Variants in SUSD4 observed in about 807,000 individuals in gnomAD.
SUSD4 encodes sushi domain-containing protein 4.
SUSD4 carries 41 observed loss-of-function variants against 50.5 expected under a neutral mutation model. The observed-to-expected ratio is 0.81, with a 90% CI of 0.63 to 1.05. The LOEUF (loss-of-function observed/expected upper bound fraction) is 1.05. Among genes scored for constraint, SUSD4 ranks in the 50% least tolerant of loss-of-function variants. The pLI is 0.00. For synonymous variants in SUSD4, 257 were observed against 257.3 expected, an observed-to-expected ratio of 1.00 and a Z score of 0.01; for missense variants, 580 against 634.7, an observed-to-expected ratio of 0.91 and a Z score of 0.93.
intron 5 of SUSD4, among the ~76,000 whole-genome samples, chr1:223,233,956 C>T (rs892919012): frequency 1.3e-5 from 2 of 152,198 alleles, no homozygotes; most frequent in African/African-American, 2.4e-5. Flanking sequence ...CAGCCAGAAA[C>T]GGATGATTCC....
chr1:223,323,501 T>C (rs1666706298), intron 2 of SUSD4, among the ~76,000 whole-genome samples: 1 of 151,694 alleles, frequency 6.6e-6, no homozygotes, highest in Non-Finnish European at 1.5e-5. Flanking sequence ...ATGAGAGACA[T>C]GTAATAGAGC....
At chr1:223,296,092 C>G (rs17161994) in intron 2 of SUSD4, among the ~76,000 whole-genome samples, 67,866 of 151,858 alleles carry the variant, frequency 0.45, 15,960 homozygotes, top group African/African-American at 0.6. Context: ...CTTGGACAGC[C>G]AGTCTAGCAC....
rs759325189 is a variant in SUSD4, at chr1:223,268,576, C to T, written c.461G>A (p.Arg154Gln). 87 of 1,610,934 alleles carry T rather than the reference C, an allele frequency of 5.4e-5. 1 individual carries two copies. The South Asian group carries it at 8.2e-4, about 15-fold the overall frequency. ...AACCATATTGTGTAGGTCGGGGTAC[C>T]GGATCTTGAATCCTTCATGACAAGT... ...IITCHEGFKI[R>Q]YPDLHNMVSL... Residue 154 changes from arginine to glutamine, a missense_variant, in exon 4 of 9, where the codon CGG becomes CAG. Transcript: ENST00000366878.
In SUSD4 at chr1:223,292,668, A is replaced by G. The variant is rs528191891; in HGVS notation, c.149-17T>C. On this transcript the variant is annotated splice_polypyrimidine_tract_variant and intron_variant, in intron 2 of 8. Transcript: ENST00000366878. ...CATCGAACCCTACATCAACAAAGAGAGGAAAAGGTGCCTATGAATATGTTC... is the reference window on the plus strand; with the variant it reads ...CATCGAACCCTACATCAACAAAGAGGGGAAAAGGTGCCTATGAATATGTTC... 78 of 1,612,180 alleles carry G rather than the reference A, an allele frequency of 4.8e-5. No homozygotes were observed. In the South Asian group the frequency reaches 8.4e-4, roughly 17 times the overall value.
chr1:223,263,664 C>G, intron 5 of SUSD4: 5 of 985,404 alleles, frequency 5.1e-6, no homozygotes, highest in Non-Finnish European at 6.0e-6. Context: ...CAACCCCACT[C>G]CACATCCCTA....
chr1:223,246,285 T>C (rs535917029), intron 5 of SUSD4, among the ~76,000 whole-genome samples: 5 of 152,038 alleles, frequency 3.3e-5, no homozygotes, highest in East Asian at 3.9e-4. Flanking sequence ...AGAGTGGCCA[T>C]TGGATTTGGC....
At position 223,268,516 on chromosome 1, in the gene SUSD4, A is replaced by C; in HGVS notation, c.521T>G (p.Leu174Arg). The change falls in exon 4 of 9, where the codon CTG becomes CGG. Residue 174 changes from leucine (L) to arginine (R), a missense_variant. Coordinates refer to ENST00000366878, the MANE Select transcript of SUSD4 (RefSeq NM_017982.4). ...LCRDDGTWNN[L>R]PICQGCLRPL... ...CAGTCCCGTACCTTGACAGATGGGCAGATTATTCCACGTTCCATCATCGCG... is the reference window on the plus strand; with the variant it reads ...CAGTCCCGTACCTTGACAGATGGGCCGATTATTCCACGTTCCATCATCGCG... 1 of 1,613,646 alleles carries C rather than the reference A, an allele frequency of 6.2e-7. No individual in the cohort carries two copies. Among genetic ancestry groups the C allele is most frequent in the Non-Finnish European group, 8.5e-7 (1 of 1,179,782 alleles).
chr1:223,337,163 T>C (rs1288018688), intron 2 of SUSD4, among the ~76,000 whole-genome samples: 1 of 152,192 alleles, frequency 6.6e-6, no homozygotes. Context: ...CAAGTATTAG[T>C]TGAATAAATT....
chr1:223,282,122 A>G (rs2103118918), intron 3 of SUSD4, among the ~76,000 whole-genome samples: 1 of 152,332 alleles, frequency 6.6e-6, no homozygotes, highest in Non-Finnish European at 1.5e-5. Context: ...ACAAACCCAC[A>G]GCCAATATCA....
intron 5 of SUSD4, chr1:223,263,804 T>C: frequency 1.0e-6 from 1 of 985,476 alleles, no homozygotes; most frequent in Non-Finnish European, 1.2e-6. Context: ...TTTGTTTCCA[T>C]ATTCCATTGT....
chr1:223,317,428 T>G (rs1477858021), intron 2 of SUSD4, among the ~76,000 whole-genome samples: 1 of 152,206 alleles, frequency 6.6e-6, no homozygotes, highest in Non-Finnish European at 1.5e-5. Flanking sequence ...AGCCATTCTT[T>G]TATTCCTCTT....
chr1:223,308,563 A>T (rs992756230), intron 2 of SUSD4, among the ~76,000 whole-genome samples: 1 of 152,340 alleles, frequency 6.6e-6, no homozygotes, highest in South Asian at 2.1e-4. Flanking sequence ...TTAAGAAATA[A>T]TATATAAGCA....
At chr1:223,322,444 C>T (rs909407704) in intron 2 of SUSD4, among the ~76,000 whole-genome samples, 2 of 152,162 alleles carry the variant, frequency 1.3e-5, no homozygotes, top group Admixed American at 6.5e-5. Flanking sequence ...ACAGGAAAGA[C>T]CTAACACATC....
chr1:223,344,774 C>T (rs771728202), intron 2 of SUSD4, among the ~76,000 whole-genome samples: 3 of 152,128 alleles, frequency 2.0e-5, no homozygotes, highest in African/African-American at 7.2e-5. Flanking sequence ...CCAAGCAGGC[C>T]GCCCTAACAT....
At chr1:223,287,931 C>A (rs550950999) in intron 3 of SUSD4, among the ~76,000 whole-genome samples, 1 of 152,180 alleles carries the variant, frequency 6.6e-6, no homozygotes, top group Non-Finnish European at 1.5e-5. Flanking sequence ...CACACTCCCC[C>A]TGCAAAGAGG....
Position 223,224,781 on chromosome 1 carries a change from C to T in SUSD4, c.1062-1150G>A, listed in dbSNP as rs190431804. On this transcript the variant is annotated intron_variant, in intron 7 of 8. Transcript: ENST00000366878. ...GCGTCTGACATCACAGCCTGGGCTC[C>T]GTGTGACCCCCATACTCTGCTCCTG... is the stretch of plus-strand genomic sequence containing the variant. Among the ~76,000 whole-genome samples the T allele has an allele frequency of 3.5e-3, 532 of 152,006 alleles. 8 individuals carry two copies. The highest frequency in any genetic ancestry group is 0.023 in the Admixed American group (357 of 15,272).
chr1:223,324,977 T>G (rs1386759703), intron 2 of SUSD4, among the ~76,000 whole-genome samples: 1 of 152,148 alleles, frequency 6.6e-6, no homozygotes, highest in Admixed American at 6.6e-5. Flanking sequence ...TGTTTCTCTC[T>G]GATACCCACT....
intron 2 of SUSD4, among the ~76,000 whole-genome samples, chr1:223,312,332 A>C (rs892035254): frequency 2.0e-5 from 3 of 152,176 alleles, no homozygotes; most frequent in African/African-American, 2.4e-5. Flanking sequence ...ACTAAAAGCT[A>C]TCTAGGCCTC....
chr1:223,296,772 A>C (rs1664852143), intron 2 of SUSD4, among the ~76,000 whole-genome samples: 1 of 152,082 alleles, frequency 6.6e-6, no homozygotes, highest in African/African-American at 2.4e-5. Context: ...ATGAGGTCTG[A>C]TGGTTTTATA....
Sources: allele counts gnomAD v4.1 joint callset (sites outside exome capture counted in the v4.1 genomes callset), GRCh38; gene constraint gnomAD v4.1.1; transcripts MANE v1.5; gene names NCBI Gene and HGNC (gene_info 2026-07-23, HGNC 2026-07-21).